Variants in SOCS5 observed in about 807,000 individuals in gnomAD.
SOCS5 encodes CIS-6.
Under a neutral mutation model 42.8 loss-of-function variants are expected in SOCS5, and 32 were observed. The observed-to-expected ratio is 0.75, with a 90% CI of 0.56 to 1.01. The LOEUF (loss-of-function observed/expected upper bound fraction) is 1.01. SOCS5 is among the 50% of genes least tolerant of loss of function. The pLI, the probability that SOCS5 is intolerant of heterozygous loss-of-function variation, is 0.00. For synonymous variants in SOCS5, 283 were observed against 229.6 expected, an observed-to-expected ratio of 1.23 and a Z score of -2.10; for missense variants, 627 against 653.0, an observed-to-expected ratio of 0.96 and a Z score of 0.43.
rs1253132173 is a variant in SOCS5, at chr2:46,760,152, C to A, written c.*11C>A. 2 of 1,601,246 alleles carry A rather than the reference C, an allele frequency of 1.2e-6. No individual in the cohort carries two copies. The highest frequency in any genetic ancestry group is 1.3e-5 in the African/African-American group (1 of 74,566). ...GTCAAGGCAAAGTAAACTCTCCGGTCCCCAAAGGTTGTTAACTAGGTCCGC... is the reference window on the plus strand; with the variant it reads ...GTCAAGGCAAAGTAAACTCTCCGGTACCCAAAGGTTGTTAACTAGGTCCGC... On this transcript the variant is annotated 3_prime_UTR_variant, in exon 2 of 2. Transcript: ENST00000394861.
At chr2:46,715,371 CAA>C (rs70940637) in intron 1 of SOCS5, among the ~76,000 whole-genome samples, 38 of 108,862 alleles carry the variant, frequency 3.5e-4, no homozygotes, top group Admixed American at 5.4e-4. Flanking sequence ...AACACCCTGT[CAA>C]AAAAAAAAAA....
At chr2:46,743,700 C>A (rs1418306708) in intron 1 of SOCS5, among the ~76,000 whole-genome samples, 1 of 152,146 alleles carries the variant, frequency 6.6e-6, no homozygotes, top group Non-Finnish European at 1.5e-5. Flanking sequence ...GGTTCACATG[C>A]CTCTGGCAAA....
chr2:46,727,267 G>C (rs1357193370), intron 1 of SOCS5, among the ~76,000 whole-genome samples: 1 of 150,098 alleles, frequency 6.7e-6, no homozygotes, highest in Non-Finnish European at 1.5e-5. Context: ...TCCTGCCTCA[G>C]CCTCCCGAGT....
chr2:46,758,880 A>C lies in SOCS5; in HGVS notation c.350A>C (p.His117Pro). ...GCACGAAGAGATTCCTACTCTCGAC[A>C]TGCTCCATGGGGTGGGAAGAAAAAA... is the stretch of plus-strand genomic sequence containing the variant. ...RLARRDSYSR[H>P]APWGGKKKHS... Residue 117 changes from histidine to proline, a missense_variant, in exon 2 of 2, where the codon CAT (histidine) becomes CCT (proline). His to Pro is a moderately conservative substitution (Grantham distance 77, BLOSUM62 -2). Around this residue, in one of 3 missense-constraint regions of SOCS5, gnomAD observed 278 missense variants for 246.3 expected, o/e 1.13. Transcript: ENST00000394861. 1 of 1,614,078 alleles carries C rather than the reference A, an allele frequency of 6.2e-7. No homozygotes were observed. Among genetic ancestry groups the C allele is most frequent in the Non-Finnish European group, 8.5e-7 (1 of 1,179,908 alleles).
intron 1 of SOCS5, among the ~76,000 whole-genome samples, chr2:46,726,640 A>G (rs1672997986): frequency 6.6e-6 from 1 of 152,044 alleles, no homozygotes; most frequent in African/African-American, 2.4e-5. Flanking sequence ...CATTTCTACC[A>G]GTCTATCTTC....
intron 1 of SOCS5, among the ~76,000 whole-genome samples, chr2:46,710,421 AG>A (rs1453683606): frequency 1.3e-5 from 2 of 152,228 alleles, no homozygotes; most frequent in African/African-American, 4.8e-5. Context: ...TTGGGATTAC[AG>A]GTGTGAGCCG....
intron 1 of SOCS5, among the ~76,000 whole-genome samples, chr2:46,735,940 A>T (rs887107762): frequency 6.6e-6 from 1 of 152,098 alleles, no homozygotes; most frequent in Admixed American, 6.5e-5. Flanking sequence ...ATACTTTATT[A>T]TTGTAGTAAA....
In SOCS5 at chr2:46,761,736, T is replaced by C. The variant is rs1002111059; in HGVS notation, c.*1595T>C. 1.8e-5 allele frequency: 3 copies of C among 166,590 alleles called. No individual in the cohort carries two copies. The highest frequency in any genetic ancestry group is 7.2e-5 in the African/African-American group (3 of 41,466). The allele number at this position is 166,590 out of a possible 1,614,324, so 10.3% of individuals were successfully genotyped here. A position where few individuals can be genotyped will look rare whatever the true frequency, so the allele number is the denominator to read the frequency against. On this transcript the variant is annotated 3_prime_UTR_variant, in exon 2 of 2. Transcript: ENST00000394861. ...TGCAGAGTTAATGAACAGTCTAATA[T>C]TGACTTATCAGAATAAGCTAACTCT... is the stretch of plus-strand genomic sequence containing the variant.
chr2:46,703,670 A>G (rs1477225233), intron 1 of SOCS5, among the ~76,000 whole-genome samples: 1 of 152,186 alleles, frequency 6.6e-6, no homozygotes, highest in African/African-American at 2.4e-5. Flanking sequence ...TTGTGAATGG[A>G]CTGTTATTCA....
intron 1 of SOCS5, among the ~76,000 whole-genome samples, chr2:46,741,760 A>C (rs1673382649): frequency 6.6e-6 from 1 of 152,204 alleles, no homozygotes; most frequent in Non-Finnish European, 1.5e-5. Context: ...ATGTAAAGGC[A>C]CCAGAATTTA....
chr2:46,760,078 G>T lies in SOCS5; in HGVS notation c.1548G>T (p.Glu516Asp). The change falls in exon 2 of 2, where the codon GAG becomes GAT. Residue 516 changes from glutamate to aspartate, a missense_variant. Around this residue, in one of 3 missense-constraint regions of SOCS5, gnomAD observed 340 missense variants for 367.6 expected, o/e 0.92. Transcript: ENST00000394861. ...CAATGTTACAGGATTTTTTAAAAGAGTATCATTATAAACAAAAAGTTAGAG... is the reference window on the plus strand; with the variant it reads ...CAATGTTACAGGATTTTTTAAAAGATTATCATTATAAACAAAAAGTTAGAG... ...LPSMLQDFLK[E>D]YHYKQKVRVR... 6.2e-7 allele frequency: 1 copy of T among 1,613,986 alleles called. No homozygotes were observed. Among genetic ancestry groups the T allele is most frequent in the Non-Finnish European group, 8.5e-7 (1 of 1,179,934 alleles).
intron 1 of SOCS5, among the ~76,000 whole-genome samples, chr2:46,756,482 AGATTTGGCCTTCAGGCTTT>A (rs374317819): frequency 9.1e-4 from 138 of 152,340 alleles, no homozygotes; most frequent in African/African-American, 2.7e-3. Context: ...GCCACAGGCC[AGATTTGGCCTTCAGGCTTT>A]GGTTTGCTGG....
intron 1 of SOCS5, among the ~76,000 whole-genome samples, chr2:46,716,311 T>C (rs1176577690): frequency 6.6e-6 from 1 of 151,266 alleles, no homozygotes; most frequent in African/African-American, 2.4e-5. Flanking sequence ...TAGTTTATTA[T>C]TTATTTTTCA....
chr2:46,757,723 C>T (rs1019297988), intron 1 of SOCS5, among the ~76,000 whole-genome samples: 1 of 152,056 alleles, frequency 6.6e-6, no homozygotes, highest in East Asian at 1.9e-4. Context: ...AAAAATTAGC[C>T]GGGCGTGGTG....
chr2:46,758,629 C>G lies in SOCS5; in HGVS notation c.99C>G (p.Asn33Lys). 1 of 1,614,006 alleles carries G rather than the reference C, an allele frequency of 6.2e-7. No individual in the cohort carries two copies. Among genetic ancestry groups the G allele is most frequent in the South Asian group, 1.1e-5 (1 of 91,080 alleles). The stretch of plus-strand genomic sequence containing the variant: ...GCCGTAGTGAAAATGTGGACATGAA[C>G]TCCAACAGATGTTTGTCTGTCAAAG... ...GGSRSENVDMNSNRCLSVKEK... is the reference protein window; with the variant it reads ...GGSRSENVDMKSNRCLSVKEK... The change falls in exon 2 of 2, where the codon AAC (asparagine) becomes AAG (lysine). Residue 33 changes from asparagine (N) to lysine (K), a missense_variant. By Grantham distance (94) the Asn-to-Lys change is moderately conservative. Transcript: ENST00000394861.
rs781455468 is a variant in SOCS5 at position 46,760,827 on chromosome 2, A to G, written c.*686A>G. 5.4e-5 allele frequency: 9 copies of G among 167,122 alleles called. No individual in the cohort carries two copies. The highest frequency in any genetic ancestry group is 1.3e-4 in the Non-Finnish European group (9 of 68,126). 10.4% of individuals were successfully genotyped at this position (167,122 alleles called of 1,614,324 possible). On this transcript the variant is annotated 3_prime_UTR_variant, in exon 2 of 2. Coordinates refer to ENST00000394861, the MANE Select transcript of SOCS5 (RefSeq NM_144949.3). ...AAAGGCCTAGGTATTAATTTTTTAA[A>G]TGAGTGCTTTAACTTAAAACAGGCG...
At chr2:46,752,767 A>G (rs1572847397) in intron 1 of SOCS5, among the ~76,000 whole-genome samples, 1 of 152,154 alleles carries the variant, frequency 6.6e-6, no homozygotes, top group African/African-American at 2.4e-5. Flanking sequence ...TAAAAATTCA[A>G]TTTGTTGACT....
intron 1 of SOCS5, among the ~76,000 whole-genome samples, chr2:46,738,731 G>C (rs753858837): frequency 5.1e-4 from 77 of 151,944 alleles, no homozygotes; most frequent in Non-Finnish European, 8.8e-4. Flanking sequence ...CTATGTATGT[G>C]TTAAAAAATC....
chr2:46,735,791 GTCT>G (rs1553336988), intron 1 of SOCS5, among the ~76,000 whole-genome samples: 1 of 151,920 alleles, frequency 6.6e-6, no homozygotes, highest in Non-Finnish European at 1.5e-5. Context: ...AGACATTGAT[GTCT>G]TTTCTTATAC....
Sources: gnomAD v4.1 joint callset for allele counts (sites outside exome capture counted in the v4.1 genomes callset) on GRCh38, gnomAD v4.1.1 for gene constraint, gnomAD v4.1.1 regional missense constraint, MANE v1.5 for transcripts, NCBI Gene and HGNC (gene_info 2026-07-23, HGNC 2026-07-21) for gene names.